The following PRICKLE2 variants were observed in gnomAD, a reference collection of about 807,000 sequenced individuals.
The protein encoded by PRICKLE2 is prickle planar cell polarity protein 2.
A neutral mutation model predicts 81.4 loss-of-function variants in PRICKLE2; 21 were observed. The ratio of observed to expected loss-of-function variants is 0.26; its 90% CI spans 0.18 to 0.37. PRICKLE2 has a LOEUF of 0.37. Among genes scored for constraint, PRICKLE2 ranks in the 10% least tolerant of loss-of-function variants. The probability of loss-of-function intolerance (pLI) is 1.00; values close to 1 mark genes in which losing one functional copy is unlikely to be tolerated. For synonymous variants in PRICKLE2, 456 were observed against 421.5 expected (o/e 1.08, Z -1.00); for missense variants, 940 against 1,109.0 (o/e 0.85, Z 2.16).
chr3:64,135,879 C>A (rs1043415177), intron 7 of PRICKLE2, among the ~76,000 whole-genome samples: 2 of 152,176 alleles, frequency 1.3e-5, no homozygotes, highest in African/African-American at 4.8e-5. Context: ...TTTTACGCAA[C>A]TTTCGGCTCA....
chr3:64,223,905 A>C (rs1402572587), intron 1 of PRICKLE2, among the ~76,000 whole-genome samples: 1 of 152,170 alleles, frequency 6.6e-6, no homozygotes, highest in African/African-American at 2.4e-5. Context: ...ATGGTTTAAA[A>C]CACTCTTTGG....
At chr3:64,210,703 T>A (rs965000782) in intron 1 of PRICKLE2, among the ~76,000 whole-genome samples, 5 of 152,244 alleles carry the variant, frequency 3.3e-5, no homozygotes, top group African/African-American at 1.2e-4. Flanking sequence ...TAATTTATCT[T>A]GTAACTTTTG....
chr3:64,204,603 C>T (rs998087586), intron 1 of PRICKLE2, among the ~76,000 whole-genome samples: 3 of 151,540 alleles, frequency 2.0e-5, no homozygotes, highest in Non-Finnish European at 4.4e-5. Context: ...CACACACACG[C>T]AAAAGCAAAA....
chr3:64,229,051 T>G (rs1367083090), upstream of PRICKLE2, among the ~76,000 whole-genome samples: 1 of 152,144 alleles, frequency 6.6e-6, no homozygotes, highest in Non-Finnish European at 1.5e-5. Flanking sequence ...AGAAAAAGGC[T>G]GCAAAAATTT....
intron 7 of PRICKLE2, among the ~76,000 whole-genome samples, chr3:64,134,688 A>C (rs964586703): frequency 1.3e-5 from 2 of 148,468 alleles, no homozygotes; most frequent in Non-Finnish European, 1.5e-5. Context: ...TCTGTTGAGA[A>C]TCATTCATCT....
At chr3:64,115,745 T>C (rs977895878) in intron 7 of PRICKLE2, among the ~76,000 whole-genome samples, 1 of 152,074 alleles carries the variant, frequency 6.6e-6, no homozygotes, top group African/African-American at 2.4e-5. Context: ...CACACAATAA[T>C]AGTGGCAGGA....
chr3:64,223,603 G>T (rs1002523883), intron 1 of PRICKLE2, among the ~76,000 whole-genome samples: 1 of 152,182 alleles, frequency 6.6e-6, no homozygotes, highest in African/African-American at 2.4e-5. Context: ...GATGCCCGAT[G>T]GAGCCAGTAT....
At chr3:64,129,248 A>C (rs908427320) in intron 7 of PRICKLE2, among the ~76,000 whole-genome samples, 6 of 152,244 alleles carry the variant, frequency 3.9e-5, no homozygotes, top group Non-Finnish European at 8.8e-5. Context: ...GATCCTGAAC[A>C]TGTTACTTAT....
Position 64,190,101 on chromosome 3 carries a change from A to G in PRICKLE2, c.144+8683T>C, listed in dbSNP as rs189394823. Among the ~76,000 whole-genome samples, 23 of 152,368 alleles carry G rather than the reference A, an allele frequency of 1.5e-4. No individual in the cohort carries two copies. In the East Asian group the frequency reaches 4.0e-3, roughly 27 times the overall value. On this transcript the variant is annotated intron_variant, in intron 2 of 7. Transcript: ENST00000638394. ...TTATTTCACTTCTGAGTTTCACTCA[A>G]ATGAATACGTTAACTTCTGTAACAA...
At chr3:64,173,467 T>C (rs543312286) in intron 2 of PRICKLE2, among the ~76,000 whole-genome samples, 21 of 152,238 alleles carry the variant, frequency 1.4e-4, no homozygotes, top group African/African-American at 5.1e-4. Context: ...CTTTAAAAAA[T>C]ATAATTTATT....
intron 2 of PRICKLE2, among the ~76,000 whole-genome samples, chr3:64,184,918 CCTT>C (rs1478044330): frequency 6.6e-6 from 1 of 152,174 alleles, no homozygotes; most frequent in Non-Finnish European, 1.5e-5. Context: ...TGTCATTTGA[CCTT>C]CTCTCTCAAC....
chr3:64,253,405 C>T (rs528201399), intron 2 of PRICKLE2, among the ~76,000 whole-genome samples: 1 of 152,252 alleles, frequency 6.6e-6, no homozygotes, highest in East Asian at 1.9e-4. Flanking sequence ...CAGACACCTA[C>T]CTCTGCCGGT....
chr3:64,183,809 C>T (rs1215486377), intron 2 of PRICKLE2, among the ~76,000 whole-genome samples: 1 of 152,192 alleles, frequency 6.6e-6, no homozygotes, highest in African/African-American at 2.4e-5. Context: ...TTGATCACTG[C>T]CTGAAAACAA....
At chr3:64,218,740 T>C (rs1423328370) in intron 1 of PRICKLE2, among the ~76,000 whole-genome samples, 1 of 152,206 alleles carries the variant, frequency 6.6e-6, no homozygotes, top group Non-Finnish European at 1.5e-5. Context: ...AAGTGACAAT[T>C]GGAACTAGAC....
At chr3:64,256,473 T>C (rs2079527129) in intron 2 of PRICKLE2, among the ~76,000 whole-genome samples, 1 of 152,194 alleles carries the variant, frequency 6.6e-6, no homozygotes, top group African/African-American at 2.4e-5. Context: ...TTGACTTGCA[T>C]AACCTAAAAC....
intron 1 of PRICKLE2, among the ~76,000 whole-genome samples, chr3:64,210,124 T>A (rs1173788586): frequency 1.3e-5 from 2 of 152,124 alleles, no homozygotes; most frequent in Non-Finnish European, 2.9e-5. Context: ...AGCACAGATG[T>A]GAAATTCAGG....
At chr3:64,237,523 C>A (rs1375813743) in intron 2 of PRICKLE2, among the ~76,000 whole-genome samples, 1 of 152,106 alleles carries the variant, frequency 6.6e-6, no homozygotes, top group African/African-American at 2.4e-5. Flanking sequence ...TCCTTCTCTT[C>A]TCTCCTTTCC....
At chr3:64,250,123 C>G (rs2079424520) in intron 2 of PRICKLE2, among the ~76,000 whole-genome samples, 1 of 152,190 alleles carries the variant, frequency 6.6e-6, no homozygotes, top group South Asian at 2.1e-4. Context: ...AGCAAGCTTC[C>G]TGGAAGGTTA....
chr3:64,264,026 T>C (rs1215855543), intron 2 of PRICKLE2, among the ~76,000 whole-genome samples: 2 of 151,906 alleles, frequency 1.3e-5, no homozygotes, highest in South Asian at 4.2e-4. Context: ...TTACTGAGTA[T>C]AAATTATAAA....
Sources: gnomAD v4.1 joint callset for allele counts (sites outside exome capture counted in the v4.1 genomes callset) on GRCh38, gnomAD v4.1.1 for gene constraint, MANE v1.5 for transcripts, NCBI Gene and HGNC (gene_info 2026-07-23, HGNC 2026-07-21) for gene names.